The following ZNRF2 variants were observed in gnomAD, a reference collection of about 807,000 sequenced individuals.
ZNRF2 encodes the protein E3 ubiquitin-protein ligase ZNRF2.
ZNRF2 carries 16 observed loss-of-function variants against 20.4 expected under a neutral mutation model. The observed-to-expected ratio is 0.79, with a 90% CI of 0.53 to 1.19. ZNRF2 has a LOEUF of 1.19. Ranked by LOEUF, ZNRF2 falls within the 50% of genes most tolerant of loss-of-function variation. The pLI, the probability that ZNRF2 is intolerant of heterozygous loss-of-function variation, is 0.00. For missense variants in ZNRF2, 363 were observed against 332.4 expected (o/e 1.09, Z -0.72); for synonymous variants, 178 against 144.9 (o/e 1.23, Z -1.64).
At chr7:30,354,221 C>T (rs1800002163) in intron 2 of ZNRF2, among the ~76,000 whole-genome samples, 1 of 152,016 alleles carries the variant, frequency 6.6e-6, no homozygotes, top group Non-Finnish European at 1.5e-5. Context: ...TCCGTTTATC[C>T]AGCTTTGCTT....
chr7:30,333,379 T>C (rs1309121569), intron 2 of ZNRF2, among the ~76,000 whole-genome samples: 20 of 148,804 alleles, frequency 1.3e-4, no homozygotes, highest in African/African-American at 4.5e-4. Flanking sequence ...TTTTTTTTTT[T>C]CCTCCCTGAG....
chr7:30,354,514 A>T (rs748623331), intron 2 of ZNRF2, among the ~76,000 whole-genome samples: 9 of 152,166 alleles, frequency 5.9e-5, no homozygotes, highest in Non-Finnish European at 8.8e-5. Flanking sequence ...ACCACTTCTT[A>T]TAGAATGAAT....
At chr7:30,350,579 A>AGTAATAGCTC (rs1190362945) in intron 2 of ZNRF2, among the ~76,000 whole-genome samples, 1 of 152,056 alleles carries the variant, frequency 6.6e-6, no homozygotes, top group Admixed American at 6.6e-5. Flanking sequence ...ATTTGAGTAC[A>AGTAATAGCTC]GTAATAGCTC....
chr7:30,301,773 T>C (rs957838866), intron 1 of ZNRF2, among the ~76,000 whole-genome samples: 6 of 151,604 alleles, frequency 4.0e-5, no homozygotes, highest in African/African-American at 1.5e-4. Context: ...AAAATCCCAT[T>C]ATAACAATCT....
intron 2 of ZNRF2, among the ~76,000 whole-genome samples, chr7:30,333,687 A>T (rs1799673343): frequency 6.6e-6 from 1 of 152,128 alleles, no homozygotes; most frequent in Admixed American, 6.6e-5. Context: ...ACTTTTTAAT[A>T]GTAGTCATTC....
chr7:30,309,409 G>A (rs1799256516), intron 1 of ZNRF2, among the ~76,000 whole-genome samples: 1 of 152,118 alleles, frequency 6.6e-6, no homozygotes, highest in South Asian at 2.1e-4. Context: ...CATGTATAAT[G>A]ATGATGTCCT....
chr7:30,366,584 C>G lies in ZNRF2; in HGVS notation c.*572C>G, dbSNP rs907346041. 1 of 152,492 alleles carries G rather than the reference C, an allele frequency of 6.6e-6. No homozygotes were observed. Among genetic ancestry groups the G allele is most frequent in the Non-Finnish European group, 1.5e-5 (1 of 67,990 alleles). The allele number at this position is 152,492 out of a possible 1,614,324, so 9.4% of individuals were successfully genotyped here. On this transcript the variant is annotated 3_prime_UTR_variant, in exon 5 of 5. Coordinates refer to ENST00000323037, the MANE Select transcript of ZNRF2 (RefSeq NM_147128.4). ...AACATCTGAATGTAGACCATGATCT[C>G]AAGTTCTTCCATTTTCTCCCCCACG...
At chr7:30,301,398 G>C (rs1799111502) in intron 1 of ZNRF2, among the ~76,000 whole-genome samples, 1 of 152,034 alleles carries the variant, frequency 6.6e-6, no homozygotes, top group Admixed American at 6.6e-5. Flanking sequence ...CAGGAGAATC[G>C]CTTAAACCCG....
intron 2 of ZNRF2, among the ~76,000 whole-genome samples, chr7:30,354,586 G>T (rs914779295): frequency 1.3e-5 from 2 of 152,170 alleles, no homozygotes; most frequent in Non-Finnish European, 2.9e-5. Context: ...GGTTTTTATA[G>T]GAGGAATGGG....
At chr7:30,341,061 G>C (rs919490846) in intron 2 of ZNRF2, among the ~76,000 whole-genome samples, 1 of 152,138 alleles carries the variant, frequency 6.6e-6, no homozygotes, top group African/African-American at 2.4e-5. Context: ...ATGGTAGTCT[G>C]TATTTCTGCG....
At chr7:30,324,172 A>G (rs1393644154) in intron 2 of ZNRF2, among the ~76,000 whole-genome samples, 1 of 152,048 alleles carries the variant, frequency 6.6e-6, no homozygotes, top group Admixed American at 6.5e-5. Flanking sequence ...CATTCAGTTT[A>G]TTGTGATATG....
intron 2 of ZNRF2, among the ~76,000 whole-genome samples, chr7:30,329,721 G>A (rs1799608257): frequency 6.6e-6 from 1 of 152,116 alleles, no homozygotes; most frequent in Admixed American, 6.5e-5. Context: ...GGATACTTAG[G>A]TTGAATCCAT....
At chr7:30,344,567 T>TC (rs34761758) in intron 2 of ZNRF2, among the ~76,000 whole-genome samples, 1 of 152,104 alleles carries the variant, frequency 6.6e-6, no homozygotes, top group Non-Finnish European at 1.5e-5. Flanking sequence ...TATATCATCT[T>TC]CCCCCCATCC....
chr7:30,295,042 AGAGAGAGAGTGT>A (rs1798990249), intron 1 of ZNRF2, among the ~76,000 whole-genome samples: 4 of 114,988 alleles, frequency 3.5e-5, no homozygotes, highest in Non-Finnish European at 6.9e-5. Flanking sequence ...AGAGAGAGAG[AGAGAGAGAGTGT>A]GTGTGTGTGT....
At chr7:30,323,431 T>C (rs1197049835) in intron 1 of ZNRF2, among the ~76,000 whole-genome samples, 1 of 152,234 alleles carries the variant, frequency 6.6e-6, no homozygotes, top group Admixed American at 6.5e-5. Flanking sequence ...TTTTAACTTG[T>C]TTTGTTTGAT....
chr7:30,328,550 G>T (rs1490494986), intron 2 of ZNRF2, among the ~76,000 whole-genome samples: 1 of 152,114 alleles, frequency 6.6e-6, no homozygotes, highest in African/African-American at 2.4e-5. Context: ...CTTCAGACTG[G>T]ATATATTTAT....
At chr7:30,302,297 A>G (rs1440101364) in intron 1 of ZNRF2, among the ~76,000 whole-genome samples, 1 of 152,182 alleles carries the variant, frequency 6.6e-6, no homozygotes, top group African/African-American at 2.4e-5. Context: ...TTGAGCATAG[A>G]GGAAACTGGA....
intron 1 of ZNRF2, among the ~76,000 whole-genome samples, chr7:30,322,323 T>C (rs1055178171): frequency 1.3e-5 from 2 of 152,246 alleles, no homozygotes; most frequent in Non-Finnish European, 2.9e-5. Flanking sequence ...GCATGAGGTA[T>C]AATTCTAGCC....
chr7:30,323,566 G>T, intron 1 of ZNRF2, 76 bp from the exon 2 acceptor site: 1 of 1,012,192 alleles, frequency 9.9e-7, no homozygotes, highest in South Asian at 1.7e-5. Context: ...AACGCTTTTT[G>T]ATTTTCCATG....
Sources: allele counts gnomAD v4.1 joint callset (sites outside exome capture counted in the v4.1 genomes callset), GRCh38; gene constraint gnomAD v4.1.1; transcripts MANE v1.5; gene names NCBI Gene and HGNC (gene_info 2026-07-23, HGNC 2026-07-21).